Variants in WDR35 observed in about 807,000 individuals in gnomAD.
The protein encoded by WDR35 is WD repeat domain 35.
Under a neutral mutation model 158.3 loss-of-function variants are expected in WDR35, and 118 were observed. The ratio of observed to expected loss-of-function variants is 0.75; its 90% confidence interval spans 0.64 to 0.87. The LOEUF (loss-of-function observed/expected upper bound fraction) is 0.87, where lower values mean the gene tolerates loss of function less well. Among genes scored for constraint, WDR35 ranks in the 40% least tolerant of loss-of-function variants. The probability of loss-of-function intolerance (pLI) is 0.00; values close to 1 mark genes in which losing one functional copy is unlikely to be tolerated. For missense variants in WDR35, 1,263 were observed against 1,405.8 expected (o/e 0.90, Z 1.62); for synonymous variants, 448 against 476.1 (o/e 0.94, Z 0.77).
At chr2:19,952,072 T>C (rs950582587) in intron 12 of WDR35, among the ~76,000 whole-genome samples, 3 of 151,910 alleles carry the variant, frequency 2.0e-5, no homozygotes, top group Non-Finnish European at 2.9e-5. Flanking sequence ...TATGGATATA[T>C]TGAGTAGTGG....
chr2:19,914,094 A>G lies in WDR35; in HGVS notation c.3305T>C (p.Phe1102Ser). 1 of 1,614,204 alleles carries G rather than the reference A, an allele frequency of 6.2e-7. No individual in the cohort carries two copies. Among genetic ancestry groups the G allele is most frequent in the Non-Finnish European group, 8.5e-7 (1 of 1,180,014 alleles). The change falls in exon 26 of 27, where the codon TTC (phenylalanine) becomes TCC (serine). Residue 1102 changes from phenylalanine (F) to serine (S), a missense_variant. Physicochemically the swap from Phe to Ser is radical, Grantham distance 155. Transcript: ENST00000281405. ...GTTATCTTTTGAAGTATGTTTGGTG[A>G]AGATTTCTAAAGCAAGGTCTTCATA... is the stretch of plus-strand genomic sequence containing the variant. ...QQYEDLALEI[F>S]TKHTSKDNRK...
intron 25 of WDR35, among the ~76,000 whole-genome samples, chr2:19,925,980 G>A (rs553839678): frequency 1.3e-5 from 2 of 152,310 alleles, no homozygotes; most frequent in South Asian, 4.1e-4. Flanking sequence ...TGGCCACTAA[G>A]TAAAGAGAAA....
intron 25 of WDR35, among the ~76,000 whole-genome samples, chr2:19,922,466 AG>A (rs1201003510): frequency 6.6e-6 from 1 of 152,040 alleles, no homozygotes; most frequent in Non-Finnish European, 1.5e-5. Flanking sequence ...AACTAACACA[AG>A]AACAGAAAAC....
intron 2 of WDR35, among the ~76,000 whole-genome samples, 159 bp from the exon 3 acceptor site, chr2:19,982,693 T>C (rs1034865091): frequency 6.6e-6 from 1 of 152,194 alleles, no homozygotes; most frequent in Admixed American, 6.5e-5. Flanking sequence ...CAATAACACA[T>C]ACCCCTTGCA....
At chr2:19,939,821 A>C (rs1237589708) in intron 17 of WDR35, among the ~76,000 whole-genome samples, 1 of 152,060 alleles carries the variant, frequency 6.6e-6, no homozygotes, top group East Asian at 1.9e-4. Context: ...CACTTTCTGA[A>C]AACCAACTCT....
At chr2:19,913,936 T>C (rs1669912838) in intron 26 of WDR35, 101 bp downstream of exon 26, 36 of 1,554,856 alleles carry the variant, frequency 2.3e-5, no homozygotes, top group Non-Finnish European at 3.2e-5. Context: ...TGTGAATTGC[T>C]TCAAAATTCA....
intron 25 of WDR35, 50 bp from the exon 26 acceptor site, chr2:19,914,327 C>T: frequency 6.2e-7 from 1 of 1,606,244 alleles, no homozygotes. Flanking sequence ...ATTATGATAT[C>T]ATGAACATGC....
chr2:19,974,813 T>C (rs1672153291), intron 6 of WDR35, among the ~76,000 whole-genome samples, 180 bp from the exon 7 acceptor site: 1 of 152,230 alleles, frequency 6.6e-6, no homozygotes, highest in Non-Finnish European at 1.5e-5. Context: ...AATGTCCATT[T>C]TCCCCACATG....
rs376307803 is a variant in WDR35 at position 19,937,734 on chromosome 2, A to G, written c.2267+9T>C. 1.6e-5 allele frequency: 26 copies of G among 1,614,030 alleles called. No homozygotes were observed. The highest frequency in any genetic ancestry group is 2.0e-5 in the Non-Finnish European group (24 of 1,179,998). ...AGTACTCAGGGATGCCTGCGCCTTC[A>G]TAACTTACCTTCTGTCCATCTCGAG... is the stretch of plus-strand genomic sequence containing the variant. On this transcript the variant is annotated intron_variant, in intron 19 of 26. Transcript: ENST00000281405.
intron 25 of WDR35, among the ~76,000 whole-genome samples, chr2:19,921,050 A>T (rs1670150711): frequency 6.6e-6 from 1 of 152,224 alleles, no homozygotes; most frequent in Admixed American, 6.5e-5. Flanking sequence ...TTCAAGGAGA[A>T]CTACAAACCA....
chr2:19,936,410 T>G (rs1422744632), intron 19 of WDR35, 45 bp from the exon 20 acceptor site: 11 of 1,612,908 alleles, frequency 6.8e-6, no homozygotes, highest in African/African-American at 1.3e-5. Flanking sequence ...ATTTGACAAA[T>G]ATTTACCAAG....
intron 2 of WDR35, among the ~76,000 whole-genome samples, chr2:19,983,159 T>G (rs1403461023): frequency 6.6e-6 from 1 of 152,200 alleles, no homozygotes; most frequent in African/African-American, 2.4e-5. Context: ...TTTAGATTGA[T>G]GGGGAACCAG....
intron 10 of WDR35, among the ~76,000 whole-genome samples, chr2:19,963,065 G>A (rs1039218677): frequency 6.6e-5 from 10 of 151,918 alleles, no homozygotes; most frequent in African/African-American, 2.2e-4. Context: ...TTTCAATTTA[G>A]TCCATTAGCT....
intron 6 of WDR35, 23 bp downstream of exon 6, chr2:19,975,507 G>A: frequency 6.2e-7 from 1 of 1,605,618 alleles, no homozygotes; most frequent in Non-Finnish European, 8.5e-7. Context: ...GTATAAACAA[G>A]ACTGATGCAT....
At chr2:19,966,261 TTTATA>T (rs1440434327) in intron 10 of WDR35, among the ~76,000 whole-genome samples, 1 of 152,200 alleles carries the variant, frequency 6.6e-6, no homozygotes, top group Non-Finnish European at 1.5e-5. Flanking sequence ...AAAAGACATA[TTTATA>T]TTATTTATGT....
At chr2:19,938,228 A>C in intron 18 of WDR35, 37 bp downstream of exon 18, 1 of 1,613,786 alleles carries the variant, frequency 6.2e-7, no homozygotes. Context: ...AAAAACCTAC[A>C]CCTGACATCC....
chr2:19,931,340 A>G lies in WDR35; in HGVS notation c.2893T>C (p.Leu965=), dbSNP rs141327069. The change falls in exon 24 of 27, where the codon TTA becomes CTA. Residue 965 remains leucine (L), a synonymous_variant. Transcript: ENST00000281405. ...TGTTCATGGTATTGCTCTATAAGTAAGGCTGACAGTACATAGAGCTTCTTG... is the reference window on the plus strand; with the variant it reads ...TGTTCATGGTATTGCTCTATAAGTAGGGCTGACAGTACATAGAGCTTCTTG... The part of the protein sequence containing the change: ...RVKKLYVLSA[L]LIEQYHEQMK... The G allele has an allele frequency of 6.2e-7, 1 of 1,613,318 alleles. No homozygotes were observed. The highest frequency in any genetic ancestry group is 1.3e-5 in the African/African-American group (1 of 74,870).
intron 9 of WDR35, among the ~76,000 whole-genome samples, chr2:19,969,092 G>T (rs1671948788): frequency 6.6e-6 from 1 of 152,220 alleles, no homozygotes; most frequent in Admixed American, 6.5e-5. Flanking sequence ...CACAGCTCTT[G>T]TGGGTTCCAG....
At chr2:19,975,286 C>T (rs1672166649) in intron 6 of WDR35, among the ~76,000 whole-genome samples, 1 of 152,088 alleles carries the variant, frequency 6.6e-6, no homozygotes, top group Admixed American at 6.5e-5. Context: ...GTCCTTTCTA[C>T]CTACCAAAAA....
Sources: allele counts gnomAD v4.1 joint callset (sites outside exome capture counted in the v4.1 genomes callset), GRCh38; gene constraint gnomAD v4.1.1; transcripts MANE v1.5; gene names NCBI Gene and HGNC (gene_info 2026-07-23, HGNC 2026-07-21).